NLRP3: variants seen among roughly 807,000 people sequenced by gnomAD.
NLRP3 encodes NLR family pyrin domain containing 3.
NLRP3 carries 48 observed loss-of-function variants against 91.3 expected under a neutral mutation model. That is an observed-to-expected ratio of 0.53 (90% confidence interval 0.42 to 0.67). The LOEUF (loss-of-function observed/expected upper bound fraction) is 0.67, where lower values mean the gene tolerates loss of function less well. Ranked by LOEUF, NLRP3 falls within the 30% of genes least tolerant of loss-of-function variation. NLRP3 has a pLI of 0.00. For synonymous variants in NLRP3, 561 were observed against 507.9 expected, an observed-to-expected ratio of 1.10 and a Z score of -1.41; for missense variants, 982 against 1,276.9, an observed-to-expected ratio of 0.77 and a Z score of 3.52.
rs568499740 is a variant in NLRP3 at position 247,435,825 on chromosome 1, G to A, written c.2493-145G>A. 736 of 760,642 alleles carry A rather than the reference G, an allele frequency of 9.7e-4. 1 individual carries two copies. The highest frequency in any genetic ancestry group is 1.5e-3 in the Non-Finnish European group (660 of 434,708). 47.1% of individuals were successfully genotyped at this position (760,642 alleles called of 1,614,324 possible). ...CTTGTTATTCCACCAAATGGAAAAG[G>A]AAATCAGAAGTGTACATAGAGCTTG... On this transcript the variant is annotated intron_variant, in intron 6 of 9. Transcript: ENST00000336119.
At chr1:247,423,148 C>T (rs1662587288) in intron 2 of NLRP3, 82 bp from the exon 3 acceptor site, 1 of 1,593,008 alleles carries the variant, frequency 6.3e-7, no homozygotes, top group Non-Finnish European at 8.6e-7. Flanking sequence ...TCTCCTCTCT[C>T]ATGCCAAATA....
At chr1:247,420,742 T>C (rs568460957) in intron 2 of NLRP3, among the ~76,000 whole-genome samples, 2 of 58,642 alleles carry the variant, frequency 3.4e-5, no homozygotes, top group Non-Finnish European at 7.0e-5. Flanking sequence ...TTTCTTGTAT[T>C]GTCTTGGTTT....
chr1:247,437,858 G>A (rs10925025), intron 7 of NLRP3, among the ~76,000 whole-genome samples: 48,781 of 152,096 alleles, frequency 0.32, 8,065 homozygotes, highest in Middle Eastern at 0.46. Context: ...GCTCAGTGAA[G>A]CGTGGGATGG....
rs1445589076 is a variant in NLRP3, at chr1:247,448,396, C to T, written c.3006-9C>T. On this transcript the variant is annotated splice_polypyrimidine_tract_variant and intron_variant, in intron 9 of 9. Coordinates refer to ENST00000336119, the MANE Select transcript of NLRP3 (RefSeq NM_001243133.2). ...GAGTGCAACCCAGGCTTTCTATTTG[C>T]TTTTACAGGTTGTCTGAAATGTATT... 6.5e-7 allele frequency: 1 copy of T among 1,536,104 alleles called. No individual in the cohort carries two copies. Among genetic ancestry groups the T allele is most frequent in the Non-Finnish European group, 9.0e-7 (1 of 1,113,026 alleles).
In NLRP3 at chr1:247,437,629, TG is replaced by T. The variant is rs1302879369; in HGVS notation, c.2663+1494del. ...TTGTCCCTTCATTTTGCAGGCCCTC[TG>T]GGGGCTCTGTGGTGGGCACTGACAG... is the stretch of plus-strand genomic sequence containing the variant. On this transcript the variant is annotated intron_variant, in intron 7 of 9. Transcript: ENST00000336119. Among the ~76,000 whole-genome samples the T allele has an allele frequency of 3.3e-5, 5 of 152,334 alleles. No individual in the cohort carries two copies. In the East Asian group the frequency reaches 9.6e-4, roughly 29 times the overall value.
At position 247,424,803 on chromosome 1, in the gene NLRP3, C is replaced by A; in HGVS notation, c.1354C>A (p.Arg452=). ...VFFLSSLLQP[R]GGSQEHGLCA... ...CTTCCTTTCCAGTTTGCTGCAGCCC[C>A]GGGGAGGGAGCCAGGAGCACGGCCT... Residue 452 remains arginine, a synonymous_variant, in exon 4 of 10, where the codon CGG becomes AGG. Transcript: ENST00000336119. This position sits in a 1 kb window ranked among gnomAD's most constrained non-coding sequence, Gnocchi z 8.1. 6.8e-6 allele frequency: 11 copies of A among 1,609,268 alleles called. No homozygotes were observed. The highest frequency in any genetic ancestry group is 6.8e-6 in the Non-Finnish European group (8 of 1,179,992).
intron 7 of NLRP3, among the ~76,000 whole-genome samples, chr1:247,443,200 G>A (rs1664346061): frequency 6.6e-6 from 1 of 152,028 alleles, no homozygotes; most frequent in Non-Finnish European, 1.5e-5. Context: ...CAAAGTGCTG[G>A]GATTACAGGC....
intron 7 of NLRP3, among the ~76,000 whole-genome samples, chr1:247,442,327 C>T (rs1164729693): frequency 6.6e-6 from 1 of 152,120 alleles, no homozygotes; most frequent in Non-Finnish European, 1.5e-5. Context: ...AAAAACATGC[C>T]ATTGCCAAGG....
At chr1:247,417,805 T>G (rs1455915604) in intron 1 of NLRP3, among the ~76,000 whole-genome samples, 1 of 152,162 alleles carries the variant, frequency 6.6e-6, no homozygotes, top group East Asian at 1.9e-4. Context: ...ACTCCCAGCT[T>G]CATCTCACTT....
chr1:247,429,591 G>A lies in NLRP3; in HGVS notation c.2157G>A (p.Val719=), dbSNP rs201515412. The A allele has an allele frequency of 6.2e-7, 1 of 1,614,152 alleles. No homozygotes were observed. Among genetic ancestry groups the A allele is most frequent in the Admixed American group, 1.7e-5 (1 of 60,016 alleles). ...TCTTCCTTCTAATTCCTAGATTGGTGAACAGCCACCTCACTTCCAGTTTTT... is the reference window on the plus strand; with the variant it reads ...TCTTCCTTCTAATTCCTAGATTGGTAAACAGCCACCTCACTTCCAGTTTTT... ...SSHAACSHGL[V]NSHLTSSFCR... is the part of the protein sequence containing the mutation. Residue 719 remains valine, a synonymous_variant, in exon 5 of 10, where the codon GTG becomes GTA. Coordinates refer to ENST00000336119, the MANE Select transcript of NLRP3 (RefSeq NM_001243133.2).
rs1410448579 is a variant in NLRP3, at chr1:247,425,898, C to CT, written c.2150+301dup. The CT allele has an allele frequency of 7.2e-6, 3 of 415,280 alleles. No homozygotes were observed. The highest frequency in any genetic ancestry group is 1.4e-5 in the Non-Finnish European group (3 of 221,986). 25.7% of individuals were successfully genotyped at this position (415,280 alleles called of 1,614,324 possible). A position where few individuals can be genotyped will look rare whatever the true frequency, so the allele number is the denominator to read the frequency against. On this transcript the variant is annotated intron_variant, in intron 4 of 9. Coordinates refer to ENST00000336119, the MANE Select transcript of NLRP3 (RefSeq NM_001243133.2). The surrounding 1 kb of genome is among the most constrained non-coding windows in gnomAD (Gnocchi z 4.1). Reference sequence around the variant, plus strand: ...TACAAATATTTGTCAACTGAAATTTCTTGTAAGCTACTTGGAGCACTAGTG... The same window carrying CT: ...TACAAATATTTGTCAACTGAAATTTCTTTGTAAGCTACTTGGAGCACTAGTG...
chr1:247,424,903 C>A lies in NLRP3; in HGVS notation c.1454C>A (p.Ser485Tyr), dbSNP rs1484215825. 2 of 1,611,490 alleles carry A rather than the reference C, an allele frequency of 1.2e-6. No homozygotes were observed. Among genetic ancestry groups the A allele is most frequent in the Non-Finnish European group, 1.7e-6 (2 of 1,180,028 alleles). Reference sequence around the variant, plus strand: ...AACCAGAAAATCCTGTTTGAGGAGTCCGACCTCAGGAATCATGGACTGCAG... The same window carrying A: ...AACCAGAAAATCCTGTTTGAGGAGTACGACCTCAGGAATCATGGACTGCAG... ...IWNQKILFEESDLRNHGLQKA... is the reference protein window; with the variant it reads ...IWNQKILFEEYDLRNHGLQKA... The change falls in exon 4 of 10, where the codon TCC becomes TAC. Residue 485 changes from serine to tyrosine, a missense_variant. Physicochemically the swap from Ser to Tyr is moderately radical, Grantham distance 144. Coordinates refer to ENST00000336119, the MANE Select transcript of NLRP3 (RefSeq NM_001243133.2). The surrounding 1 kb of genome is among the most constrained non-coding windows in gnomAD (Gnocchi z 8.1).
chr1:247,438,119 C>G (rs1256322960), intron 7 of NLRP3, among the ~76,000 whole-genome samples: 2 of 152,230 alleles, frequency 1.3e-5, no homozygotes, highest in African/African-American at 4.8e-5. Flanking sequence ...TATTGCCTCT[C>G]AGTTCAGGAG....
At chr1:247,423,456 T>C in intron 3 of NLRP3, 107 bp downstream of exon 3, 1 of 1,330,794 alleles carries the variant, frequency 7.5e-7, no homozygotes, top group Non-Finnish European at 1.1e-6. Context: ...TTCCTGCTCT[T>C]TGGAATGCAA....
At position 247,424,657 on chromosome 1, in the gene NLRP3, T is replaced by C. The variant is rs1662730442; in HGVS notation, c.1208T>C (p.Leu403Pro). The C allele has an allele frequency of 6.2e-7, 1 of 1,614,158 alleles. No individual in the cohort carries two copies. Among genetic ancestry groups the C allele is most frequent in the Non-Finnish European group, 8.5e-7 (1 of 1,180,054 alleles). Reference protein sequence around the residue: ...AFSLIQENEVLFTMCFIPLVC... With the variant: ...AFSLIQENEVPFTMCFIPLVC... Reference sequence around the variant, plus strand: ...AGTCTGATTCAGGAGAACGAGGTCCTCTTCACCATGTGCTTCATCCCCCTG... The same window carrying C: ...AGTCTGATTCAGGAGAACGAGGTCCCCTTCACCATGTGCTTCATCCCCCTG... The change falls in exon 4 of 10, where the codon CTC (leucine) becomes CCC (proline). Residue 403 changes from leucine (L) to proline (P), a missense_variant. This residue lies in a region of NLRP3 where 548 missense variants were observed against 713.7 expected (regional missense o/e 0.77). Coordinates refer to ENST00000336119, the MANE Select transcript of NLRP3 (RefSeq NM_001243133.2). The surrounding 1 kb of genome is among the most constrained non-coding windows in gnomAD (Gnocchi z 8.1).
chr1:247,447,673 C>T (rs1031983300), intron 9 of NLRP3, among the ~76,000 whole-genome samples: 1 of 152,042 alleles, frequency 6.6e-6, no homozygotes, highest in African/African-American at 2.4e-5. Context: ...AAAAAATTTA[C>T]AAGACAGTTG....
At chr1:247,438,591 C>G (rs2103191660) in intron 7 of NLRP3, among the ~76,000 whole-genome samples, 1 of 152,256 alleles carries the variant, frequency 6.6e-6, no homozygotes, top group South Asian at 2.1e-4. Context: ...ACCATGTTTG[C>G]CAGGCTGGTC....
chr1:247,424,470 G>T lies in NLRP3; in HGVS notation c.1021G>T (p.Glu341Ter). 6.2e-7 allele frequency: 1 copy of T among 1,614,154 alleles called. No homozygotes were observed. The highest frequency in any genetic ancestry group is 1.1e-5 in the South Asian group (1 of 91,072). ...SSLIRKKLLP[E>*]ASLLITTRPV... Reference sequence around the variant, plus strand: ...CCTCATCAGAAAGAAGCTGCTTCCCGAGGCCTCTCTGCTCATCACCACGAG... The same window carrying T: ...CCTCATCAGAAAGAAGCTGCTTCCCTAGGCCTCTCTGCTCATCACCACGAG... Residue 341 changes from glutamate (E) to a stop codon, truncating the protein, a stop_gained, in exon 4 of 10, where the codon GAG becomes TAG. Coordinates refer to ENST00000336119, the MANE Select transcript of NLRP3 (RefSeq NM_001243133.2). LOFTEE classifies it high-confidence loss of function. The surrounding 1 kb of genome is among the most constrained non-coding windows in gnomAD (Gnocchi z 8.1).
At chr1:247,446,139 A>G (rs1664570222) in intron 9 of NLRP3, among the ~76,000 whole-genome samples, 1 of 152,038 alleles carries the variant, frequency 6.6e-6, no homozygotes, top group African/African-American at 2.4e-5. Flanking sequence ...TTTCCTTATA[A>G]TCATGTCCAA....
Sources: gnomAD v4.1 joint callset for allele counts (sites outside exome capture counted in the v4.1 genomes callset) on GRCh38, gnomAD v4.1.1 for gene constraint, gnomAD v4.1.1 regional missense constraint, Gnocchi (gnomAD v3.1) non-coding constraint, MANE v1.5 for transcripts, NCBI Gene and HGNC (gene_info 2026-07-23, HGNC 2026-07-21) for gene names.